The following PDE10A variants were observed in gnomAD, a reference collection of about 807,000 sequenced individuals.
The protein encoded by PDE10A is phosphodiesterase 10A, also known as cAMP and cAMP-inhibited cGMP 3',5'-cyclic phosphodiesterase 10A.
PDE10A carries 39 observed loss-of-function variants against 97.7 expected under a neutral mutation model. The ratio of observed to expected loss-of-function variants is 0.40; its 90% confidence interval spans 0.31 to 0.52. PDE10A has a LOEUF of 0.52. Among genes scored for constraint, PDE10A ranks in the 20% least tolerant of loss-of-function variants. PDE10A has a pLI of 0.56. For synonymous variants in PDE10A, 371 were observed against 376.8 expected (o/e 0.98, Z 0.18); for missense variants, 731 against 1,047.8 (o/e 0.70, Z 4.17).
intron 1 of PDE10A, among the ~76,000 whole-genome samples, chr6:165,843,227 G>T (rs1392845927): frequency 6.6e-6 from 1 of 152,192 alleles, no homozygotes; most frequent in Non-Finnish European, 1.5e-5. Flanking sequence ...ACAGAATCTG[G>T]GGTGTGAAGA....
At position 165,343,425 on chromosome 6, in the gene PDE10A, G is replaced by A. The variant is rs1397373586; in HGVS notation, c.2861C>T (p.Thr954Met). Residue 954 changes from threonine to methionine, a missense_variant, in exon 19 of 22, where the codon ACG (threonine) becomes ATG (methionine). Thr to Met is a moderately conservative substitution (Grantham distance 81). This residue lies in a region of PDE10A where 96 missense variants were observed against 156.7 expected (regional missense o/e 0.61). Coordinates refer to ENST00000539869, the MANE Select transcript of PDE10A (RefSeq NM_001385079.1). Reference sequence around the variant, plus strand: ...GAATTCTGCATATATATCATTTGCCGTCAATTTTGTAACGGGCCACAGTTT... The same window carrying A: ...GAATTCTGCATATATATCATTTGCCATCAATTTTGTAACGGGCCACAGTTT... The part of the protein sequence containing the change: ...VTKLWPVTKL[T>M]ANDIYAEFWA... The A allele has an allele frequency of 3.7e-6, 6 of 1,613,582 alleles. No individual in the cohort carries two copies. Among genetic ancestry groups the A allele is most frequent in the African/African-American group, 1.3e-5 (1 of 74,862 alleles).
At chr6:165,907,003 G>A (rs1782305267) in intron 1 of PDE10A, among the ~76,000 whole-genome samples, 1 of 152,194 alleles carries the variant, frequency 6.6e-6, no homozygotes, top group Non-Finnish European at 1.5e-5. Flanking sequence ...GTGAGGTAGG[G>A]CTCTGTCTTG....
At chr6:165,431,091 A>G (rs1789517840) in intron 8 of PDE10A, among the ~76,000 whole-genome samples, 4 of 152,238 alleles carry the variant, frequency 2.6e-5, no homozygotes, top group Middle Eastern at 3.4e-3. Context: ...AAAAATATCA[A>G]TGCAACTCCA....
chr6:165,443,111 CAAAAAAA>C (rs149435215), intron 5 of PDE10A, among the ~76,000 whole-genome samples: 20 of 60,396 alleles, frequency 3.3e-4, no homozygotes, highest in African/African-American at 1.2e-3. Flanking sequence ...GGCTCTGTCT[CAAAAAAA>C]AAAAAAAAAA....
At chr6:165,809,276 T>C (rs1212133747) in intron 1 of PDE10A, among the ~76,000 whole-genome samples, 1 of 152,166 alleles carries the variant, frequency 6.6e-6, no homozygotes, top group Non-Finnish European at 1.5e-5. Context: ...CTGCCCTGGC[T>C]CTGGTAGTTC....
At chr6:165,726,559 G>A (rs939319652) in intron 1 of PDE10A, among the ~76,000 whole-genome samples, 3 of 151,492 alleles carry the variant, frequency 2.0e-5, no homozygotes, top group African/African-American at 7.3e-5. Context: ...TGCCCGAGGA[G>A]AGCCACGATG....
intron 1 of PDE10A, among the ~76,000 whole-genome samples, chr6:165,913,065 G>T (rs760908912): frequency 2.8e-4 from 43 of 152,136 alleles, no homozygotes; most frequent in Non-Finnish European, 5.7e-4. Context: ...CATGTGATGG[G>T]TGTGCAAGAT....
chr6:165,747,129 C>T (rs1212933710), intron 1 of PDE10A, among the ~76,000 whole-genome samples: 1 of 152,022 alleles, frequency 6.6e-6, no homozygotes, highest in Non-Finnish European at 1.5e-5. Flanking sequence ...AAGAAAAGTC[C>T]AAAACTACAA....
chr6:165,597,601 C>T (rs145725591), intron 1 of PDE10A, among the ~76,000 whole-genome samples: 1 of 152,276 alleles, frequency 6.6e-6, no homozygotes, highest in Non-Finnish European at 1.5e-5. Context: ...TATGTCCAAA[C>T]GTAGCACATA....
At chr6:165,398,834 C>A (rs974212259) in intron 13 of PDE10A, among the ~76,000 whole-genome samples, 1 of 151,990 alleles carries the variant, frequency 6.6e-6, no homozygotes, top group African/African-American at 2.4e-5. Flanking sequence ...TAGATTTACA[C>A]CTAAACGTAA....
At chr6:165,442,893 G>A (rs967082440) in intron 5 of PDE10A, among the ~76,000 whole-genome samples, 1 of 152,050 alleles carries the variant, frequency 6.6e-6, no homozygotes, top group African/African-American at 2.4e-5. Context: ...TGGATCGACT[G>A]AGGTCAGGGG....
intron 1 of PDE10A, among the ~76,000 whole-genome samples, chr6:165,903,139 G>A (rs1297279470): frequency 6.6e-6 from 1 of 152,184 alleles, no homozygotes; most frequent in South Asian, 2.1e-4. Context: ...AGAGTAATAG[G>A]ATGTTTGTAA....
chr6:165,841,356 C>T (rs1402971254), intron 1 of PDE10A, among the ~76,000 whole-genome samples: 11 of 152,216 alleles, frequency 7.2e-5, no homozygotes, highest in East Asian at 3.9e-4. Flanking sequence ...CCATGGAGAT[C>T]GGCCCTGTGG....
chr6:165,363,727 T>C (rs1045167145), intron 18 of PDE10A, among the ~76,000 whole-genome samples: 2 of 152,124 alleles, frequency 1.3e-5, no homozygotes, highest in African/African-American at 4.8e-5. Context: ...TATTTCTACA[T>C]ACTAACAATA....
intron 2 of PDE10A, among the ~76,000 whole-genome samples, chr6:165,516,411 A>G (rs62443789): frequency 0.12 from 18,163 of 152,164 alleles, 1,157 homozygotes; most frequent in South Asian, 0.18. Flanking sequence ...TTAATATATG[A>G]GTCATAGTAT....
At chr6:165,753,760 A>G (rs959396578) in intron 1 of PDE10A, among the ~76,000 whole-genome samples, 16 of 152,222 alleles carry the variant, frequency 1.1e-4, no homozygotes, top group African/African-American at 3.1e-4. Context: ...GGAGTCTACA[A>G]TGTTGTTATA....
At chr6:165,837,198 A>AT (rs140670887) in intron 1 of PDE10A, among the ~76,000 whole-genome samples, 9,561 of 150,628 alleles carry the variant, frequency 0.063, 440 homozygotes, top group African/African-American at 0.13. Flanking sequence ...TTAAAGTATA[A>AT]TAAAAAAAAA....
intron 1 of PDE10A, among the ~76,000 whole-genome samples, chr6:165,748,453 G>A (rs2934850): frequency 0.015 from 2,268 of 152,226 alleles, 51 homozygotes; most frequent in African/African-American, 0.052. Flanking sequence ...CGCACTCTCC[G>A]TAGCTTGGAA....
intron 13 of PDE10A, among the ~76,000 whole-genome samples, chr6:165,407,709 A>G (rs1787321107): frequency 6.6e-6 from 1 of 152,256 alleles, no homozygotes; most frequent in South Asian, 2.1e-4. Flanking sequence ...TCCAAAATGT[A>G]CAGAGCTAAT....
Sources: gnomAD v4.1 joint callset for allele counts (sites outside exome capture counted in the v4.1 genomes callset) on GRCh38, gnomAD v4.1.1 for gene constraint, gnomAD v4.1.1 regional missense constraint, MANE v1.5 for transcripts, NCBI Gene and HGNC (gene_info 2026-07-23, HGNC 2026-07-21) for gene names.